The following DMRT3 variants were observed in gnomAD, a reference collection of about 807,000 sequenced individuals.
DMRT3 encodes the protein doublesex- and mab-3-related transcription factor 3.
In DMRT3, 29 loss-of-function variants were observed where a neutral mutation model predicts 34.9. The observed-to-expected ratio is 0.83, with a 90% CI of 0.62 to 1.13. The LOEUF (loss-of-function observed/expected upper bound fraction) is 1.13. Ranked by LOEUF, DMRT3 falls within the 50% of genes most tolerant of loss-of-function variation. The probability of loss-of-function intolerance (pLI) is 0.00; values close to 1 mark genes in which losing one functional copy is unlikely to be tolerated. For synonymous variants in DMRT3, 350 were observed against 286.0 expected (o/e 1.22, Z -2.26); for missense variants, 772 against 629.1 (o/e 1.23, Z -2.43).
At chr9:987,278 G>A (rs769947843) in intron 1 of DMRT3, among the ~76,000 whole-genome samples, 1 of 152,062 alleles carries the variant, frequency 6.6e-6, no homozygotes, top group Non-Finnish European at 1.5e-5. Context: ...TCTTGGTATC[G>A]AATATAAGTA....
chr9:981,418 C>T (rs565465110), intron 1 of DMRT3, among the ~76,000 whole-genome samples: 1 of 152,174 alleles, frequency 6.6e-6, no homozygotes. Flanking sequence ...TGAAGTGTAC[C>T]TGTGAATTGA....
In DMRT3 at chr9:990,137, C is replaced by T; in HGVS notation, c.551C>T (p.Ala184Val). 1 of 1,613,978 alleles carries T rather than the reference C, an allele frequency of 6.2e-7. No individual in the cohort carries two copies. Among genetic ancestry groups the T allele is most frequent in the Non-Finnish European group, 8.5e-7 (1 of 1,180,026 alleles). The change falls in exon 2 of 2, where the codon GCA (alanine) becomes GTA (valine). Residue 184 changes from alanine (A) to valine (V), a missense_variant. Transcript: ENST00000190165. Reference protein sequence around the residue: ...DTDQRSSPDVAKSKGCFTPES... With the variant: ...DTDQRSSPDVVKSKGCFTPES... ...GACCAGAGGAGTTCCCCAGATGTGG[C>T]AAAGAGTAAGGGCTGCTTCACCCCT...
Position 990,468 on chromosome 9 carries a change from A to C in DMRT3, c.882A>C (p.Gly294=). 1 of 1,614,098 alleles carries C rather than the reference A, an allele frequency of 6.2e-7. No individual in the cohort carries two copies. Among genetic ancestry groups the C allele is most frequent in the Non-Finnish European group, 8.5e-7 (1 of 1,180,018 alleles). ...TGTCCAGCCGATCCTCAGTCACGGG[A>C]GCAGAGCGAACTTCCGCAGAACCTG... ...VLLSSRSSVT[G]AERTSAEPES... Residue 294 remains glycine (G), a synonymous_variant, in exon 2 of 2, where the codon GGA becomes GGC. Transcript: ENST00000190165.
At chr9:981,050 AG>A (rs776287463) in intron 1 of DMRT3, among the ~76,000 whole-genome samples, 31 of 152,306 alleles carry the variant, frequency 2.0e-4, no homozygotes, top group Non-Finnish European at 3.1e-4. Context: ...ATAAGAGAGA[AG>A]GATCAAATGG....
intron 1 of DMRT3, among the ~76,000 whole-genome samples, chr9:980,117 A>G (rs1304828327): frequency 6.6e-6 from 1 of 152,188 alleles, no homozygotes; most frequent in East Asian, 1.9e-4. Context: ...ACAGAAGCAC[A>G]TGGAGTCTTT....
At chr9:980,933 G>A (rs1820209251) in intron 1 of DMRT3, among the ~76,000 whole-genome samples, 1 of 152,184 alleles carries the variant, frequency 6.6e-6, no homozygotes, top group Admixed American at 6.5e-5. Context: ...AGAAAGATCT[G>A]TGGCTGTAGA....
At position 984,888 on chromosome 9, in the gene DMRT3, A is replaced by C. The variant is rs367637943; in HGVS notation, c.455-5153A>C. On this transcript the variant is annotated intron_variant, in intron 1 of 1. Coordinates refer to ENST00000190165, the MANE Select transcript of DMRT3 (RefSeq NM_021240.4). ...TTTATGTGAAAAACTCCCCTAAAGAAAGTTACATTTTCAAACTGTAATTTT... is the reference window on the plus strand; with the variant it reads ...TTTATGTGAAAAACTCCCCTAAAGACAGTTACATTTTCAAACTGTAATTTT... 1.2e-3 allele frequency among the ~76,000 whole-genome samples: 176 copies of C among 152,206 alleles called. 1 individual carries two copies. The highest frequency in any genetic ancestry group is 2.1e-3 in the Non-Finnish European group (145 of 68,002).
intron 1 of DMRT3, among the ~76,000 whole-genome samples, chr9:989,264 G>A (rs1468379796): frequency 6.6e-6 from 1 of 152,200 alleles, no homozygotes; most frequent in African/African-American, 2.4e-5. Context: ...TTTCATTGAT[G>A]GATAATAATG....
At chr9:985,598 A>G (rs1483158430) in intron 1 of DMRT3, among the ~76,000 whole-genome samples, 1 of 152,230 alleles carries the variant, frequency 6.6e-6, no homozygotes, top group Non-Finnish European at 1.5e-5. Flanking sequence ...TATTTATAAT[A>G]GAATAATTTA....
At chr9:985,432 C>G (rs750820217) in intron 1 of DMRT3, among the ~76,000 whole-genome samples, 10 of 152,122 alleles carry the variant, frequency 6.6e-5, no homozygotes. Context: ...TTTCACATTT[C>G]TATGTCTAGA....
chr9:986,958 G>T (rs1258036236), intron 1 of DMRT3, among the ~76,000 whole-genome samples: 2 of 151,662 alleles, frequency 1.3e-5, no homozygotes, highest in Non-Finnish European at 2.9e-5. Context: ...TCCCAAGAAG[G>T]ACTAGTTGTT....
In DMRT3 at chr9:977,044, G is replaced by A; in HGVS notation, c.43G>A (p.Val15Met). 6.4e-7 allele frequency: 1 copy of A among 1,566,522 alleles called. No individual in the cohort carries two copies. Among genetic ancestry groups the A allele is most frequent in the Non-Finnish European group, 8.6e-7 (1 of 1,157,982 alleles). The change falls in exon 1 of 2, where the codon GTG becomes ATG. Residue 15 changes from valine (V) to methionine (M), a missense_variant. Val to Met is a conservative substitution (Grantham distance 21). Transcript: ENST00000190165. The part of the protein sequence containing the change: ...GSPYLYMGGP[V>M]SQPPRAPLQR... ...CCCCTACCTGTACATGGGCGGCCCG[G>A]TGTCGCAGCCGCCACGGGCGCCCCT...
intron 1 of DMRT3, among the ~76,000 whole-genome samples, chr9:981,833 T>G (rs1442954737): frequency 1.3e-5 from 2 of 152,096 alleles, no homozygotes; most frequent in Non-Finnish European, 2.9e-5. Context: ...TGGGGACGGC[T>G]CTTTCCTTGG....
chr9:990,665 C>T lies in DMRT3; in HGVS notation c.1079C>T (p.Pro360Leu). Residue 360 changes from proline (P) to leucine (L), a missense_variant, in exon 2 of 2, where the codon CCC (proline) becomes CTC (leucine). Transcript: ENST00000190165. ...VPSPLAGPLQ[P>L]PFPQPPRYPL... ...AGTCCCTTGGCTGGGCCTCTGCAGC[C>T]CCCTTTCCCCCAGCCACCCCGGTAC... 2 of 1,614,090 alleles carry T rather than the reference C, an allele frequency of 1.2e-6. No homozygotes were observed. Among genetic ancestry groups the T allele is most frequent in the South Asian group, 1.1e-5 (1 of 91,068 alleles).
Position 990,244 on chromosome 9 carries a change from A to C in DMRT3, c.658A>C (p.Ser220Arg). 1 of 1,614,008 alleles carries C rather than the reference A, an allele frequency of 6.2e-7. No homozygotes were observed. Among genetic ancestry groups the C allele is most frequent in the Non-Finnish European group, 8.5e-7 (1 of 1,180,028 alleles). Residue 220 changes from serine (S) to arginine (R), a missense_variant, in exon 2 of 2, where the codon AGC becomes CGC. Ser to Arg is a moderately radical substitution (Grantham distance 110). Coordinates refer to ENST00000190165, the MANE Select transcript of DMRT3 (RefSeq NM_021240.4). Reference sequence around the variant, plus strand: ...AGGCAACCCCGAGAGCCGCCCTGACAGCCCCAAGTGTCACGCGGAGCAGAA... The same window carrying C: ...AGGCAACCCCGAGAGCCGCCCTGACCGCCCCAAGTGTCACGCGGAGCAGAA... ...NGGNPESRPD[S>R]PKCHAEQNHL...
chr9:984,839 A>T (rs1224175131), intron 1 of DMRT3, among the ~76,000 whole-genome samples: 2 of 150,074 alleles, frequency 1.3e-5, no homozygotes, highest in Non-Finnish European at 1.5e-5. Context: ...GAAATAATAC[A>T]TTTTTTTTTT....
chr9:984,952 T>G (rs185273993), intron 1 of DMRT3, among the ~76,000 whole-genome samples: 5 of 152,192 alleles, frequency 3.3e-5, no homozygotes, highest in African/African-American at 1.2e-4. Flanking sequence ...TTTTCTCTCT[T>G]TAAAGTCTTG....
At chr9:984,257 A>C (rs1377316473) in intron 1 of DMRT3, among the ~76,000 whole-genome samples, 1 of 152,226 alleles carries the variant, frequency 6.6e-6, no homozygotes, top group African/African-American at 2.4e-5. Flanking sequence ...ACAGATGAGG[A>C]TATGACAATC....
chr9:990,770 T>C lies in DMRT3; in HGVS notation c.1184T>C (p.Met395Thr), dbSNP rs1278809227. 2.5e-6 allele frequency: 4 copies of C among 1,614,154 alleles called. No homozygotes were observed. Among genetic ancestry groups the C allele is most frequent in the East Asian group, 2.2e-5 (1 of 44,876 alleles). ...LPNDVTLWNT[M>T]TLQQQYQLRS... ...AATGATGTCACCCTGTGGAACACCA[T>C]GACGCTGCAGCAGCAGTATCAGCTG... is the stretch of plus-strand genomic sequence containing the variant. The change falls in exon 2 of 2, where the codon ATG becomes ACG. Residue 395 changes from methionine to threonine, a missense_variant. Met to Thr is a moderately conservative substitution (Grantham distance 81, BLOSUM62 -1). Transcript: ENST00000190165.
Sources: gnomAD v4.1 joint callset for allele counts (sites outside exome capture counted in the v4.1 genomes callset) on GRCh38, gnomAD v4.1.1 for gene constraint, MANE v1.5 for transcripts, NCBI Gene and HGNC (gene_info 2026-07-23, HGNC 2026-07-21) for gene names.